Variants in DDX39B observed in about 807,000 individuals in gnomAD.
The protein encoded by DDX39B is spliceosome RNA helicase DDX39B.
A neutral mutation model predicts 46.4 loss-of-function variants in DDX39B; 6 were observed. The ratio of observed to expected loss-of-function variants is 0.13; its 90% CI spans 0.07 to 0.26. The LOEUF is 0.26. Ranked by LOEUF, DDX39B falls within the 10% of genes least tolerant of loss-of-function variation. The pLI is 1.00. For missense variants in DDX39B, 185 were observed against 553.4 expected (o/e 0.33, Z 6.68); for synonymous variants, 174 against 199.4 (o/e 0.87, Z 1.07).
In DDX39B at chr6:31,538,783, T is replaced by C; in HGVS notation, c.412A>G (p.Lys138Glu). 1 of 1,613,900 alleles carries C rather than the reference T, an allele frequency of 6.2e-7. No homozygotes were observed. Among genetic ancestry groups the C allele is most frequent in the Middle Eastern group, 1.7e-4 (1 of 6,052 alleles). ...QISKEYERFS[K>E]YMPNVKVAVF... ...CTTACCTTGACATTGGGCATGTATT[T>C]AGAGAAGCGCTCATATTCCTTGCTG... Residue 138 changes from lysine to glutamate, a missense_variant, in exon 4 of 11, where the codon AAA becomes GAA. By Grantham distance (56) the Lys-to-Glu change is moderately conservative (BLOSUM62 1). Coordinates refer to ENST00000396172, the MANE Select transcript of DDX39B (RefSeq NM_004640.7).
At chr6:31,538,884 G>C in intron 3 of DDX39B, 29 bp from the exon 4 acceptor site, 2 of 1,601,740 alleles carry the variant, frequency 1.2e-6, no homozygotes, top group African/African-American at 2.7e-5. Context: ...GGAGACATAT[G>C]GTAAATGTAG....
chr6:31,530,407 G>A lies in DDX39B; in HGVS notation c.*27C>T, dbSNP rs372496406. 3.0e-5 allele frequency: 49 copies of A among 1,612,596 alleles called. 2 individuals carry two copies. The African/African-American group carries it at 3.1e-4, about 10-fold the overall frequency. ...TGGTGTCCTCTCCTGAAGGACAGAC[G>A]GTCACATTCCAAAATGGGCGAGTCT... On this transcript the variant is annotated 3_prime_UTR_variant, in exon 11 of 11. Coordinates refer to ENST00000396172, the MANE Select transcript of DDX39B (RefSeq NM_004640.7). The surrounding 1 kb of genome is among the most constrained non-coding windows in gnomAD (Gnocchi z 4.5).
rs938725414 is a variant in DDX39B, at chr6:31,530,911, G to A, written c.1138C>T (p.Arg380Trp). ...TYLHRVARAGRFGTKGLAITF... is the reference protein window; with the variant it reads ...TYLHRVARAGWFGTKGLAITF... ...ATAGCCAAGCCCTTGGTGCCAAACC[G>A]GCCTGCTCTGGCCACCTGGAGGGAG... The change falls in exon 10 of 11, where the codon CGG becomes TGG. Residue 380 changes from arginine (R) to tryptophan (W), a missense_variant. Arg to Trp is a moderately radical substitution (Grantham distance 101). This residue lies in a region of DDX39B where 5 missense variants were observed against 57.3 expected (regional missense o/e 0.09). Transcript: ENST00000396172. This position sits in a 1 kb window ranked among gnomAD's most constrained non-coding sequence, Gnocchi z 4.5. 1 of 1,614,076 alleles carries A rather than the reference G, an allele frequency of 6.2e-7. No individual in the cohort carries two copies. Among genetic ancestry groups the A allele is most frequent in the African/African-American group, 1.3e-5 (1 of 74,990 alleles).
In DDX39B at chr6:31,534,592, G is replaced by A; in HGVS notation, c.735+775C>T. ...ACACCCCTCCCCAACACATATTGGG[G>A]GAAACGGGGCACGGCACGCGTTGGG... On this transcript the variant is annotated intron_variant, in intron 6 of 10. Transcript: ENST00000396172. The surrounding 1 kb of genome is among the most constrained non-coding windows in gnomAD (Gnocchi z 5.1). 2.3e-6 allele frequency: 1 copy of A among 441,880 alleles called. No individual in the cohort carries two copies. Among genetic ancestry groups the A allele is most frequent in the South Asian group, 1.6e-5 (1 of 60,852 alleles). 27.4% of individuals were successfully genotyped at this position (441,880 alleles called of 1,614,324 possible).
At position 31,531,984 on chromosome 6, in the gene DDX39B, CTTTTT is replaced by C. The variant is rs967874164; in HGVS notation, c.868-584_868-580del. 1.3e-5 allele frequency among the ~76,000 whole-genome samples: 2 copies of C among 151,904 alleles called. No individual in the cohort carries two copies. The highest frequency in any genetic ancestry group is 4.8e-5 in the African/African-American group (2 of 41,334). ...AGGTGCACACCACCACGCCCAGCTA[CTTTTT>C]TTATTTTTTATTTTTACTATTTGTA... On this transcript the variant is annotated intron_variant, in intron 7 of 10. Transcript: ENST00000396172. This position sits in a 1 kb window ranked among gnomAD's most constrained non-coding sequence, Gnocchi z 5.8.
chr6:31,536,013 C>T (rs1767741708), intron 5 of DDX39B, among the ~76,000 whole-genome samples: 2 of 152,192 alleles, frequency 1.3e-5, no homozygotes. Context: ...TCAATTCTTA[C>T]AGAAAAATCT....
chr6:31,536,798 T>G, intron 4 of DDX39B, 115 bp from the exon 5 acceptor site: 1 of 1,360,426 alleles, frequency 7.4e-7, no homozygotes, highest in Non-Finnish European at 9.8e-7. Context: ...AAACTAAAAC[T>G]AACTTTAGAG....
intron 1 of DDX39B, chr6:31,541,700 T>C (rs145743375): frequency 1.0e-3 from 565 of 540,434 alleles, no homozygotes; most frequent in Non-Finnish European, 1.8e-3. Flanking sequence ...GAAGAACCCA[T>C]TGGAAGAAGG....
chr6:31,534,658 G>A lies in DDX39B; in HGVS notation c.735+709C>T, dbSNP rs1433529445. The A allele has an allele frequency of 2.7e-6, 1 of 364,590 alleles. No individual in the cohort carries two copies. The highest frequency in any genetic ancestry group is 5.4e-6 in the Non-Finnish European group (1 of 186,268). 22.6% of individuals were successfully genotyped at this position (364,590 alleles called of 1,614,324 possible). A position where few individuals can be genotyped will look rare whatever the true frequency, so the allele number is the denominator to read the frequency against. ...GGGAACGGAAAAAGAGGCTGGTTTG[G>A]TCCTCAGCTTCCTGGTCAGGTTTCC... On this transcript the variant is annotated intron_variant, in intron 6 of 10. Transcript: ENST00000396172. This position sits in a 1 kb window ranked among gnomAD's most constrained non-coding sequence, Gnocchi z 5.1.
chr6:31,530,697 C>T lies in DDX39B; in HGVS notation c.1270+82G>A. The stretch of plus-strand genomic sequence containing the variant: ...CAAGTGTCCATTATGCATCAGATGC[C>T]CATGACCTATGTGATGGGATTTCGG... On this transcript the variant is annotated intron_variant, in intron 10 of 10. Coordinates refer to ENST00000396172, the MANE Select transcript of DDX39B (RefSeq NM_004640.7). This position sits in a 1 kb window ranked among gnomAD's most constrained non-coding sequence, Gnocchi z 4.5. 1 of 1,553,082 alleles carries T rather than the reference C, an allele frequency of 6.4e-7. No homozygotes were observed. The highest frequency in any genetic ancestry group is 8.7e-7 in the Non-Finnish European group (1 of 1,142,996).
intron 1 of DDX39B, 81 bp from the exon 2 acceptor site, chr6:31,540,745 T>C (rs2150346207): frequency 1.7e-6 from 1 of 582,184 alleles, no homozygotes; most frequent in East Asian, 2.8e-5. Flanking sequence ...GTTCCCACTT[T>C]CCCTAAACCA....
In DDX39B at chr6:31,530,471, G is replaced by C. The variant is rs780043443; in HGVS notation, c.1271-21C>G. ...TTCAACTGAGAAGAAAACGTAGCAT[G>C]GTCAGAATAAGGCATGAAAAGGGGA... On this transcript the variant is annotated intron_variant, in intron 10 of 10. Transcript: ENST00000396172. This position sits in a 1 kb window ranked among gnomAD's most constrained non-coding sequence, Gnocchi z 4.5. The C allele has an allele frequency of 6.2e-7, 1 of 1,612,078 alleles. No individual in the cohort carries two copies. The highest frequency in any genetic ancestry group is 8.5e-7 in the Non-Finnish European group (1 of 1,179,382).
In DDX39B at chr6:31,530,729, A is replaced by C. The variant is rs773801482; in HGVS notation, c.1270+50T>G. 17 of 1,593,906 alleles carry C rather than the reference A, an allele frequency of 1.1e-5. No homozygotes were observed. The African/African-American group carries it at 1.6e-4, about 15-fold the overall frequency. ...CTATGTGATGGGATTTCGGACAAAC[A>C]CACTAAGGAACAGGGAGGACCTAAA... On this transcript the variant is annotated intron_variant, in intron 10 of 10. Coordinates refer to ENST00000396172, the MANE Select transcript of DDX39B (RefSeq NM_004640.7). The surrounding 1 kb of genome is among the most constrained non-coding windows in gnomAD (Gnocchi z 4.5).
At chr6:31,541,080 G>T (rs781027313) in intron 1 of DDX39B, 1 of 531,194 alleles carries the variant, frequency 1.9e-6, no homozygotes, top group South Asian at 1.4e-5. Flanking sequence ...TAATCCCACC[G>T]TTATGGATGC....
chr6:31,541,299 C>A, intron 1 of DDX39B: 2 of 458,540 alleles, frequency 4.4e-6, no homozygotes, highest in South Asian at 1.6e-5. Flanking sequence ...ATGGCTCGGC[C>A]ACAAAAAAAC....
Position 31,534,907 on chromosome 6 carries a change from ATGCCC to A in DDX39B, c.735+455_735+459del, listed in dbSNP as rs1255694571. 2 of 267,324 alleles carry A rather than the reference ATGCCC, an allele frequency of 7.5e-6. No individual in the cohort carries two copies. The highest frequency in any genetic ancestry group is 1.5e-5 in the Non-Finnish European group (2 of 134,162). 16.6% of individuals were successfully genotyped at this position (267,324 alleles called of 1,614,324 possible). On this transcript the variant is annotated intron_variant, in intron 6 of 10. Transcript: ENST00000396172. The surrounding 1 kb of genome is among the most constrained non-coding windows in gnomAD (Gnocchi z 5.1). ...TTGTGCTGATGCTCTTCTTTTGGACATGCCCTGCCATCTGTCTGTCCCTCTCTTGC... is the reference window on the plus strand; with the variant it reads ...TTGTGCTGATGCTCTTCTTTTGGACATGCCATCTGTCTGTCCCTCTCTTGC...
In DDX39B at chr6:31,535,903, A is replaced by C. The variant is rs188284614; in HGVS notation, c.617-418T>G. Among the ~76,000 whole-genome samples, 1 of 152,270 alleles carries C rather than the reference A, an allele frequency of 6.6e-6. No individual in the cohort carries two copies. Among genetic ancestry groups the C allele is most frequent in the East Asian group, 1.9e-4 (1 of 5,184 alleles). On this transcript the variant is annotated intron_variant, in intron 5 of 10. Coordinates refer to ENST00000396172, the MANE Select transcript of DDX39B (RefSeq NM_004640.7). The surrounding 1 kb of genome is among the most constrained non-coding windows in gnomAD (Gnocchi z 4.6). ...CAAGTCAGGCAAATATGACATCCCT[A>C]CCTGGAGCCCACCTTTATAGCTCAC... is the stretch of plus-strand genomic sequence containing the variant.
chr6:31,539,297 G>C, intron 2 of DDX39B, 23 bp from the exon 3 acceptor site: 2 of 1,605,514 alleles, frequency 1.2e-6, no homozygotes, highest in Non-Finnish European at 1.7e-6. Context: ...GGGGGAGGAA[G>C]ATAAATTAGA....
Position 31,532,913 on chromosome 6 carries a change from TGG to T in DDX39B, c.736-4_736-3del. ...ATCATCCACGAAGATCTCCATTGGC[TGG>T]GGGGGAGGAAGGGGGTGGGGAACGG... On this transcript the variant is annotated splice_polypyrimidine_tract_variant and splice_region_variant and intron_variant, in intron 6 of 10. Transcript: ENST00000396172. The T allele has an allele frequency of 2.3e-6, 1 of 443,406 alleles. No homozygotes were observed. 27.5% of individuals were successfully genotyped at this position (443,406 alleles called of 1,614,324 possible). A position where few individuals can be genotyped will look rare whatever the true frequency, so the allele number is the denominator to read the frequency against.
Sources: gnomAD v4.1 joint callset for allele counts (sites outside exome capture counted in the v4.1 genomes callset) on GRCh38, gnomAD v4.1.1 for gene constraint, gnomAD v4.1.1 regional missense constraint, Gnocchi (gnomAD v3.1) non-coding constraint, MANE v1.5 for transcripts, NCBI Gene and HGNC (gene_info 2026-07-23, HGNC 2026-07-21) for gene names.